Variants in ITGA4 observed in about 807,000 individuals in gnomAD.
The protein encoded by ITGA4 is integrin subunit alpha 4, also known as integrin alpha-4.
In ITGA4, 63 loss-of-function variants were observed where a neutral mutation model predicts 133.6. That is an observed-to-expected ratio of 0.47 (90% CI 0.38 to 0.58). The LOEUF (loss-of-function observed/expected upper bound fraction) is 0.58, where lower values mean the gene tolerates loss of function less well. ITGA4 is among the 20% of genes least tolerant of loss of function. The pLI, the probability that ITGA4 is intolerant of heterozygous loss-of-function variation, is 0.00. For missense variants in ITGA4, 1,076 were observed against 1,252.7 expected (o/e 0.86, Z 2.13); for synonymous variants, 483 against 438.0 (o/e 1.10, Z -1.28).
In ITGA4 at chr2:181,493,339, G is replaced by A; in HGVS notation, c.1168G>A (p.Ala390Thr). 6.2e-7 allele frequency: 1 copy of A among 1,607,522 alleles called. No individual in the cohort carries two copies. Among genetic ancestry groups the A allele is most frequent in the Non-Finnish European group, 8.5e-7 (1 of 1,176,030 alleles). ...TTATTGGATAGATGTTGCTATCGGA[G>A]CTCCACAAGAAGATGACTTGCAAGG... is the stretch of plus-strand genomic sequence containing the variant. Reference protein sequence around the residue: ...NDGFEDVAIGAPQEDDLQGAI... With the variant: ...NDGFEDVAIGTPQEDDLQGAI... The change falls in exon 11 of 28, where the codon GCT (alanine) becomes ACT (threonine). Residue 390 changes from alanine to threonine, a missense_variant. Coordinates refer to ENST00000397033, the MANE Select transcript of ITGA4 (RefSeq NM_000885.6).
At chr2:181,528,135 G>A (rs1686871650) in intron 22 of ITGA4, among the ~76,000 whole-genome samples, 2 of 152,166 alleles carry the variant, frequency 1.3e-5, no homozygotes, top group Admixed American at 1.3e-4. Flanking sequence ...GTAAGACAAT[G>A]CTTTTCAAAA....
At chr2:181,460,148 G>A (rs904556694) in intron 2 of ITGA4, among the ~76,000 whole-genome samples, 3 of 152,122 alleles carry the variant, frequency 2.0e-5, no homozygotes, top group Admixed American at 1.3e-4. Context: ...TAGAAATGAT[G>A]AGCCAAACTG....
intron 9 of ITGA4, among the ~76,000 whole-genome samples, chr2:181,482,956 G>C (rs1403942108): frequency 6.6e-6 from 1 of 152,026 alleles, no homozygotes; most frequent in Non-Finnish European, 1.5e-5. Context: ...AATCTAATTT[G>C]AAAGAATAAT....
At position 181,525,134 on chromosome 2, in the gene ITGA4, T is replaced by C; in HGVS notation, c.2250-68T>C. 5 of 853,136 alleles carry C rather than the reference T, an allele frequency of 5.9e-6. No homozygotes were observed. In the South Asian group the frequency reaches 6.9e-5, roughly 12 times the overall value. 52.8% of individuals were successfully genotyped at this position (853,136 alleles called of 1,614,324 possible). On this transcript the variant is annotated intron_variant, in intron 20 of 27. Transcript: ENST00000397033. The stretch of plus-strand genomic sequence containing the variant: ...CTGAGTATATTAGGTATACAGGGTA[T>C]GTAATTAGTTCTCTCTGAAGATTTT...
In ITGA4 at chr2:181,538,705, A is replaced by C. The variant is rs1167057292; in HGVS notation, c.*3178A>C. On this transcript the variant is annotated 3_prime_UTR_variant, in exon 28 of 28. Coordinates refer to ENST00000397033, the MANE Select transcript of ITGA4 (RefSeq NM_000885.6). Reference sequence around the variant, plus strand: ...AAACATGTTACAGTAATTATGAGTGAGAGGAAACTAAGATGGAAGGATAAA... The same window carrying C: ...AAACATGTTACAGTAATTATGAGTGCGAGGAAACTAAGATGGAAGGATAAA... 6.6e-6 allele frequency among the ~76,000 whole-genome samples: 1 copy of C among 152,194 alleles called. No individual in the cohort carries two copies. The highest frequency in any genetic ancestry group is 1.5e-5 in the Non-Finnish European group (1 of 68,028).
intron 21 of ITGA4, 112 bp downstream of exon 21, chr2:181,525,403 C>T: frequency 1.7e-6 from 1 of 589,102 alleles, no homozygotes; most frequent in African/African-American, 1.9e-5. Flanking sequence ...AAAAAGGATA[C>T]TCTATCTTTT....
At chr2:181,465,563 C>G (rs1685392086) in intron 2 of ITGA4, among the ~76,000 whole-genome samples, 1 of 152,082 alleles carries the variant, frequency 6.6e-6, no homozygotes, top group African/African-American at 2.4e-5. Flanking sequence ...AAAGTGGCAT[C>G]CACACATTAG....
chr2:181,535,006 A>G (rs377744773), intron 27 of ITGA4, 71 bp downstream of exon 27: 1 of 1,454,728 alleles, frequency 6.9e-7, no homozygotes, highest in Admixed American at 2.6e-5. Flanking sequence ...TTGACTTCCA[A>G]GTTATTAGAT....
Position 181,537,486 on chromosome 2 carries a change from A to G in ITGA4, c.*1959A>G, listed in dbSNP as rs757221301. The G allele has an allele frequency of 2.2e-6, 1 of 452,986 alleles. No individual in the cohort carries two copies. Among genetic ancestry groups the G allele is most frequent in the South Asian group, 1.6e-5 (1 of 64,440 alleles). The allele number at this position is 452,986 out of a possible 1,614,324, so 28.1% of individuals were successfully genotyped here. A position where few individuals can be genotyped will look rare whatever the true frequency, so the allele number is the denominator to read the frequency against. ...CACTTTAAGAAGACAGGGATGGGTT[A>G]TTCTTTTTTGGCAGGTAGGCTATAT... On this transcript the variant is annotated 3_prime_UTR_variant, in exon 28 of 28. Coordinates refer to ENST00000397033, the MANE Select transcript of ITGA4 (RefSeq NM_000885.6).
At chr2:181,472,285 T>A (rs1191546378) in intron 2 of ITGA4, among the ~76,000 whole-genome samples, 1 of 152,210 alleles carries the variant, frequency 6.6e-6, no homozygotes, top group East Asian at 1.9e-4. Flanking sequence ...TGCACATAAT[T>A]TTTTGGCCAT....
intron 18 of ITGA4, among the ~76,000 whole-genome samples, chr2:181,522,569 G>C (rs771501646): frequency 2.6e-5 from 4 of 152,138 alleles, no homozygotes; most frequent in Non-Finnish European, 5.9e-5. Flanking sequence ...GGAGGAAGCT[G>C]TTTGGGTGCC....
chr2:181,489,534 CTA>C (rs1685996002), intron 10 of ITGA4, among the ~76,000 whole-genome samples: 1 of 49,028 alleles, frequency 2.0e-5, no homozygotes, highest in Non-Finnish European at 6.8e-5. Flanking sequence ...GACTTTTAGA[CTA>C]TATGTCTGAA....
intron 21 of ITGA4, 120 bp downstream of exon 21, chr2:181,525,411 T>G (rs564264906): frequency 1.7e-6 from 1 of 576,942 alleles, no homozygotes; most frequent in African/African-American, 1.9e-5. Context: ...TACTCTATCT[T>G]TTAATAATTA....
chr2:181,521,666 T>C lies in ITGA4; in HGVS notation c.1923-525T>C, dbSNP rs910331499. 6.6e-5 allele frequency among the ~76,000 whole-genome samples: 10 copies of C among 152,174 alleles called. 1 individual carries two copies. The highest frequency in any genetic ancestry group is 5.9e-4 in the Admixed American group (9 of 15,268). On this transcript the variant is annotated intron_variant, in intron 17 of 27. Transcript: ENST00000397033. Reference sequence around the variant, plus strand: ...CAGCTGCTTCACAATTTAATTCTAGTCCAACAGATTTTAGTGCCACGCACT... The same window carrying C: ...CAGCTGCTTCACAATTTAATTCTAGCCCAACAGATTTTAGTGCCACGCACT...
Position 181,522,285 on chromosome 2 carries a change from A to G in ITGA4, c.2017A>G (p.Thr673Ala). The change falls in exon 18 of 28, where the codon ACG (threonine) becomes GCG (alanine). Residue 673 changes from threonine to alanine, a missense_variant. Transcript: ENST00000397033. The stretch of plus-strand genomic sequence containing the variant: ...TAATGCTGGAGATGATGCATATGAA[A>G]CGACTCTACATGTCAAACTACCCGT... ...LFNAGDDAYE[T>A]TLHVKLPVGL... is the part of the protein sequence containing the mutation. 1 of 1,609,988 alleles carries G rather than the reference A, an allele frequency of 6.2e-7. No homozygotes were observed. The highest frequency in any genetic ancestry group is 8.5e-7 in the Non-Finnish European group (1 of 1,177,138).
At chr2:181,525,934 A>G (rs1204591622) in intron 21 of ITGA4, among the ~76,000 whole-genome samples, 1 of 152,218 alleles carries the variant, frequency 6.6e-6, no homozygotes, top group African/African-American at 2.4e-5. Flanking sequence ...GAACTTATTC[A>G]TGGTGTTAGT....
intron 21 of ITGA4, among the ~76,000 whole-genome samples, chr2:181,526,821 C>CTTTTTTTATTTTTTTT: frequency 2.4e-5 from 1 of 40,994 alleles, no homozygotes; most frequent in Non-Finnish European, 5.5e-5. Context: ...AGCACATGGC[C>CTTTTTTTATTTTTTTT]TTTTTTTTTT....
intron 26 of ITGA4, 22 bp downstream of exon 26, chr2:181,534,392 CT>C (rs1687010115): frequency 7.8e-7 from 1 of 1,288,220 alleles, no homozygotes; most frequent in African/African-American, 1.5e-5. Context: ...CTCTTAACTG[CT>C]ACATTAAAAT....
intron 17 of ITGA4, among the ~76,000 whole-genome samples, chr2:181,518,539 A>G (rs1686656763): frequency 6.6e-6 from 1 of 152,086 alleles, no homozygotes; most frequent in Non-Finnish European, 1.5e-5. Flanking sequence ...TTTATTTTGT[A>G]ATTAATTTAC....
Sources: gnomAD v4.1 joint callset for allele counts (sites outside exome capture counted in the v4.1 genomes callset) on GRCh38, gnomAD v4.1.1 for gene constraint, MANE v1.5 for transcripts, NCBI Gene and HGNC (gene_info 2026-07-23, HGNC 2026-07-21) for gene names.